Variants in ZNF284 observed in about 807,000 individuals in gnomAD.
The protein encoded by ZNF284 is zinc finger protein 284.
In ZNF284, 12 loss-of-function variants were observed where a neutral mutation model predicts 12.9. That is an observed-to-expected ratio of 0.93 (90% confidence interval 0.60 to 1.51). ZNF284 has a LOEUF of 1.51. ZNF284 is among the 40% of genes most tolerant of loss of function. ZNF284 has a pLI of 0.00. For missense variants in ZNF284, 667 were observed against 707.3 expected (o/e 0.94, Z 0.65); for synonymous variants, 225 against 236.5 (o/e 0.95, Z 0.45).
At chr19:44,080,507 A>G (rs1455829487) in intron 2 of ZNF284, among the ~76,000 whole-genome samples, 4 of 152,192 alleles carry the variant, frequency 2.6e-5, no homozygotes, top group Non-Finnish European at 5.9e-5. Context: ...AATTGCTTGA[A>G]TCCAGGAGGC....
chr19:44,078,766 TATTAA>T (rs1568520583), intron 2 of ZNF284, among the ~76,000 whole-genome samples: 1 of 152,166 alleles, frequency 6.6e-6, no homozygotes, highest in Non-Finnish European at 1.5e-5. Context: ...GGTTTGAAAT[TATTAA>T]ATTAAACTAA....
rs1410204081 is a variant in ZNF284, at chr19:44,089,468, C to T, written c.*2208C>T. The T allele has an allele frequency of 1.3e-5, 2 of 152,240 alleles. No homozygotes were observed. Among genetic ancestry groups the T allele is most frequent in the East Asian group, 3.9e-4 (2 of 5,184 alleles). 9.4% of individuals were successfully genotyped at this position (152,240 alleles called of 1,614,324 possible). A position where few individuals can be genotyped will look rare whatever the true frequency, so the allele number is the denominator to read the frequency against. On this transcript the variant is annotated 3_prime_UTR_variant, in exon 5 of 5. Transcript: ENST00000421176. ...AACATAAGCAGGAATATTTAAAGCA[C>T]ATACTTTTTATAGAGTGTCTCCCCT...
Position 44,086,790 on chromosome 19 carries a change from A to C in ZNF284, c.1312A>C (p.Ser438Arg). 1 of 1,614,172 alleles carries C rather than the reference A, an allele frequency of 6.2e-7. No individual in the cohort carries two copies. Among genetic ancestry groups the C allele is most frequent in the Non-Finnish European group, 8.5e-7 (1 of 1,180,024 alleles). Reference protein sequence around the residue: ...KCQKCGKGYISKFNLDLHQRV... With the variant: ...KCQKCGKGYIRKFNLDLHQRV... ...TCAGAAGTGTGGGAAGGGCTACATT[A>C]GTAAGTTTAATCTTGACTTGCACCA... Residue 438 changes from serine to arginine, a missense_variant, in exon 5 of 5, where the codon AGT becomes CGT. Coordinates refer to ENST00000421176, the MANE Select transcript of ZNF284 (RefSeq NM_001037813.4).
At chr19:44,076,768 G>A (rs895746385) in intron 2 of ZNF284, among the ~76,000 whole-genome samples, 1 of 147,716 alleles carries the variant, frequency 6.8e-6, no homozygotes, top group Non-Finnish European at 1.5e-5. Context: ...TTAATATTAT[G>A]TAATATTCAT....
chr19:44,083,593 G>T (rs1967173097), intron 4 of ZNF284, among the ~76,000 whole-genome samples: 1 of 150,298 alleles, frequency 6.7e-6, no homozygotes, highest in African/African-American at 2.4e-5. Flanking sequence ...CTACCCACTG[G>T]AATGGAATGT....
rs753547757 is a variant in ZNF284 at position 44,086,945 on chromosome 19, G to T, written c.1467G>T (p.Gly489=). ...AACCATTCAAATGTGAAGAGTGTGG[G>T]AAGAGGTTTACTGAGAATTCAAAAC... ...GEKPFKCEEC[G]KRFTENSKLR... Residue 489 remains glycine, a synonymous_variant, in exon 5 of 5, where the codon GGG becomes GGT. Coordinates refer to ENST00000421176, the MANE Select transcript of ZNF284 (RefSeq NM_001037813.4). The T allele has an allele frequency of 6.2e-7, 1 of 1,614,218 alleles. No individual in the cohort carries two copies. The highest frequency in any genetic ancestry group is 1.1e-5 in the South Asian group (1 of 91,088).
chr19:44,083,472 TATAGAG>T lies in ZNF284; in HGVS notation c.235+1369_235+1374del, dbSNP rs1260180466. On this transcript the variant is annotated intron_variant, in intron 4 of 4. Transcript: ENST00000421176. ...AGAAATATATATATATATATATATA[TATAGAG>T]AGAGAGAGAGAGAGAGAGAGAGAGG... is the stretch of plus-strand genomic sequence containing the variant. 4.4e-3 allele frequency among the ~76,000 whole-genome samples: 283 copies of T among 64,594 alleles called. 3 individuals carry two copies. Among genetic ancestry groups the T allele is most frequent in the African/African-American group, 0.014 (264 of 19,322 alleles). The allele number at this position is 64,594 out of a possible 152,430, so 42.4% of individuals were successfully genotyped here.
Position 44,086,514 on chromosome 19 carries a change from G to A in ZNF284, c.1036G>A (p.Glu346Lys). ...DHTKEKLYKCEECGRSFTCRQ... is the reference protein window; with the variant it reads ...DHTKEKLYKCKECGRSFTCRQ... ...CACAAAAGAGAAACTATACAAATGTGAAGAATGTGGAAGGAGCTTCACTTG... is the reference window on the plus strand; with the variant it reads ...CACAAAAGAGAAACTATACAAATGTAAAGAATGTGGAAGGAGCTTCACTTG... The change falls in exon 5 of 5, where the codon GAA (glutamate) becomes AAA (lysine). Residue 346 changes from glutamate (E) to lysine (K), a missense_variant. Coordinates refer to ENST00000421176, the MANE Select transcript of ZNF284 (RefSeq NM_001037813.4). 6.2e-7 allele frequency: 1 copy of A among 1,614,182 alleles called. No homozygotes were observed. The highest frequency in any genetic ancestry group is 1.1e-5 in the South Asian group (1 of 91,064).
intron 4 of ZNF284, among the ~76,000 whole-genome samples, chr19:44,083,470 T>G (rs1315702413): frequency 0.014 from 925 of 64,454 alleles, 33 homozygotes; most frequent in East Asian, 0.034. Flanking sequence ...TATATATATA[T>G]ATATAGAGAG....
Position 44,081,047 on chromosome 19 carries a change from C to G in ZNF284, c.48C>G (p.Val16=). 1 of 1,612,872 alleles carries G rather than the reference C, an allele frequency of 6.2e-7. No individual in the cohort carries two copies. ...EAVTFKDVAV[V]FTEEELGLLD... Reference sequence around the variant, plus strand: ...TGACCTTCAAGGATGTGGCTGTGGTCTTCACCGAGGAGGAGCTGGGGCTGC... The same window carrying G: ...TGACCTTCAAGGATGTGGCTGTGGTGTTCACCGAGGAGGAGCTGGGGCTGC... Residue 16 remains valine, a synonymous_variant, in exon 3 of 5, where the codon GTC becomes GTG. Coordinates refer to ENST00000421176, the MANE Select transcript of ZNF284 (RefSeq NM_001037813.4).
Position 44,076,373 on chromosome 19 carries a change from C to T in ZNF284, c.-17C>T. ...CATAACTGAGAACTCTGCAAATTCC[C>T]CAAAGAAGGAGGAAAAATGACCATG... is the stretch of plus-strand genomic sequence containing the variant. On this transcript the variant is annotated 5_prime_UTR_variant, in exon 2 of 5. Transcript: ENST00000421176. 2 of 1,609,782 alleles carry T rather than the reference C, an allele frequency of 1.2e-6. No individual in the cohort carries two copies. Among genetic ancestry groups the T allele is most frequent in the Non-Finnish European group, 1.7e-6 (2 of 1,177,804 alleles).
intron 1 of ZNF284, among the ~76,000 whole-genome samples, chr19:44,073,934 C>T (rs1393796392): frequency 6.6e-6 from 1 of 152,034 alleles, no homozygotes; most frequent in Non-Finnish European, 1.5e-5. Flanking sequence ...AATGTGTTTT[C>T]CCTTATGTGT....
At chr19:44,075,028 A>G (rs1967006296) in intron 1 of ZNF284, among the ~76,000 whole-genome samples, 1 of 152,142 alleles carries the variant, frequency 6.6e-6, no homozygotes, top group Admixed American at 6.5e-5. Context: ...TATATTAAAT[A>G]ATATTGTTAT....
At chr19:44,083,474 T>TATATAGAGAGAGAG (rs746837013) in intron 4 of ZNF284, among the ~76,000 whole-genome samples, 24 of 64,916 alleles carry the variant, frequency 3.7e-4, no homozygotes, top group South Asian at 3.4e-3. Context: ...TATATATATA[T>TATATAGAGAGAGAG]AGAGAGAGAG....
chr19:44,077,246 T>A (rs1339440952), intron 2 of ZNF284, among the ~76,000 whole-genome samples: 1 of 152,250 alleles, frequency 6.6e-6, no homozygotes, highest in Non-Finnish European at 1.5e-5. Context: ...CACAGCAGGC[T>A]GTAACTGTGG....
In ZNF284 at chr19:44,086,626, C is replaced by A; in HGVS notation, c.1148C>A (p.Ser383Tyr). 1 of 1,614,004 alleles carries A rather than the reference C, an allele frequency of 6.2e-7. No homozygotes were observed. The highest frequency in any genetic ancestry group is 1.1e-5 in the South Asian group (1 of 91,050). The change falls in exon 5 of 5, where the codon TCC becomes TAC. Residue 383 changes from serine (S) to tyrosine (Y), a missense_variant. Transcript: ENST00000421176. ...GTATGTGGGAAGGGCTTCAGGTGGT[C>A]CTCATGTCTTTCAAGACATCAGCGG... ...CNVCGKGFRW[S>Y]SCLSRHQRVH...
Position 44,086,518 on chromosome 19 carries a change from A to C in ZNF284, c.1040A>C (p.Glu347Ala). Residue 347 changes from glutamate to alanine, a missense_variant, in exon 5 of 5, where the codon GAA (glutamate) becomes GCA (alanine). Transcript: ENST00000421176. Reference sequence around the variant, plus strand: ...AAAGAGAAACTATACAAATGTGAAGAATGTGGAAGGAGCTTCACTTGTAGG... The same window carrying C: ...AAAGAGAAACTATACAAATGTGAAGCATGTGGAAGGAGCTTCACTTGTAGG... ...HTKEKLYKCE[E>A]CGRSFTCRQD... 6.2e-7 allele frequency: 1 copy of C among 1,614,210 alleles called. No homozygotes were observed. Among genetic ancestry groups the C allele is most frequent in the East Asian group, 2.2e-5 (1 of 44,882 alleles).
intron 1 of ZNF284, among the ~76,000 whole-genome samples, chr19:44,074,379 A>T (rs1037229991): frequency 1.2e-4 from 18 of 152,150 alleles, no homozygotes; most frequent in Non-Finnish European, 2.4e-4. Flanking sequence ...AAAAAAAAAA[A>T]ATATTTAACG....
intron 3 of ZNF284, 67 bp from the exon 4 acceptor site, chr19:44,081,946 A>C: frequency 7.5e-7 from 1 of 1,336,278 alleles, no homozygotes; most frequent in Admixed American, 1.8e-5. Context: ...GTGTGCAGTG[A>C]GAACCTAAAT....
Sources: gnomAD v4.1 joint callset for allele counts (sites outside exome capture counted in the v4.1 genomes callset) on GRCh38, gnomAD v4.1.1 for gene constraint, MANE v1.5 for transcripts, NCBI Gene and HGNC (gene_info 2026-07-23, HGNC 2026-07-21) for gene names.